Variants in IL6R observed in about 807,000 individuals in gnomAD.
IL6R encodes the protein interleukin-6 receptor subunit alpha.
A neutral mutation model predicts 48.3 loss-of-function variants in IL6R; 38 were observed. That is an observed-to-expected ratio of 0.79 (90% CI 0.61 to 1.03). The LOEUF is 1.03. Ranked by LOEUF, IL6R falls within the 50% of genes least tolerant of loss-of-function variation. The pLI is 0.00. For synonymous variants in IL6R, 264 were observed against 256.2 expected, an observed-to-expected ratio of 1.03 and a Z score of -0.29; for missense variants, 534 against 618.3, an observed-to-expected ratio of 0.86 and a Z score of 1.45.
intron 5 of IL6R, 101 bp downstream of exon 5, chr1:154,435,257 C>T: frequency 8.5e-6 from 10 of 1,177,126 alleles, no homozygotes; most frequent in Non-Finnish European, 1.2e-5. Context: ...CGCCTGTAAT[C>T]CCGGCCCTTT....
chr1:154,420,823 A>G (rs1312070713), intron 1 of IL6R, among the ~76,000 whole-genome samples: 1 of 152,160 alleles, frequency 6.6e-6, no homozygotes, highest in African/African-American at 2.4e-5. Context: ...GGCGTGAGCC[A>G]CTGCACCCTA....
intron 1 of IL6R, among the ~76,000 whole-genome samples, chr1:154,424,953 G>A (rs758684854): frequency 3.9e-5 from 6 of 152,220 alleles, no homozygotes; most frequent in Non-Finnish European, 7.4e-5. Context: ...AAAGGGGTCC[G>A]CATGAGAGGG....
chr1:154,452,840 C>T (rs1417809103), intron 8 of IL6R, among the ~76,000 whole-genome samples: 1 of 151,586 alleles, frequency 6.6e-6, no homozygotes, highest in African/African-American at 2.4e-5. Flanking sequence ...TTGTCTGTCT[C>T]CCTTGATTGG....
At chr1:154,429,731 C>G (rs1031376117) in intron 2 of IL6R, among the ~76,000 whole-genome samples, 6 of 152,102 alleles carry the variant, frequency 3.9e-5, no homozygotes, top group Non-Finnish European at 8.8e-5. Flanking sequence ...GAATCCTGCT[C>G]CCTCACATAC....
chr1:154,432,741 C>A (rs537270239), intron 3 of IL6R, among the ~76,000 whole-genome samples: 62 of 152,274 alleles, frequency 4.1e-4, no homozygotes, highest in Admixed American at 2.4e-3. Context: ...GCCTTTGCTT[C>A]CATCTGCTTT....
intron 1 of IL6R, among the ~76,000 whole-genome samples, chr1:154,406,268 C>T (rs1186988986): frequency 6.6e-6 from 1 of 152,200 alleles, no homozygotes; most frequent in Non-Finnish European, 1.5e-5. Context: ...ACGGATCTTC[C>T]CGCTGCACGG....
intron 8 of IL6R, among the ~76,000 whole-genome samples, chr1:154,453,453 G>A (rs1690702949): frequency 6.6e-6 from 1 of 152,232 alleles, no homozygotes; most frequent in Non-Finnish European, 1.5e-5. Context: ...GGGTAGAAGA[G>A]CCTGAATGCT....
chr1:154,417,383 C>T (rs1688413514), intron 1 of IL6R, among the ~76,000 whole-genome samples: 2 of 152,170 alleles, frequency 1.3e-5, no homozygotes, highest in Admixed American at 6.5e-5. Flanking sequence ...AACAGCGCTC[C>T]TTATCTCAGC....
intron 1 of IL6R, among the ~76,000 whole-genome samples, chr1:154,415,340 T>C (rs1688272945): frequency 6.6e-6 from 1 of 152,260 alleles, no homozygotes; most frequent in African/African-American, 2.4e-5. Flanking sequence ...TGACTCCAGC[T>C]TTTTCTTTCC....
At chr1:154,429,107 A>G in intron 1 of IL6R, 89 bp from the exon 2 acceptor site, 1 of 1,403,928 alleles carries the variant, frequency 7.1e-7, no homozygotes, top group Non-Finnish European at 9.8e-7. Context: ...CATCATTATC[A>G]CTGAGGCCTC....
At chr1:154,459,114 G>T (rs1385534084) in intron 9 of IL6R, among the ~76,000 whole-genome samples, 2 of 152,096 alleles carry the variant, frequency 1.3e-5, no homozygotes, top group African/African-American at 4.8e-5. Context: ...TAAGAGCTGG[G>T]CCCAGCTGGT....
At chr1:154,451,606 T>G (rs2149265518) in intron 8 of IL6R, among the ~76,000 whole-genome samples, 1 of 152,226 alleles carries the variant, frequency 6.6e-6, no homozygotes, top group African/African-American at 2.4e-5. Context: ...CTGATGATTT[T>G]TTTTCTTTTT....
At chr1:154,431,532 G>A (rs1437455379) in intron 3 of IL6R, among the ~76,000 whole-genome samples, 1 of 152,156 alleles carries the variant, frequency 6.6e-6, no homozygotes, top group East Asian at 1.9e-4. Context: ...AAATAGCATA[G>A]AACAGTGATA....
chr1:154,406,246 G>A (rs545333509), intron 1 of IL6R, among the ~76,000 whole-genome samples: 2 of 152,192 alleles, frequency 1.3e-5, no homozygotes, highest in Non-Finnish European at 2.9e-5. Flanking sequence ...CTGACATCAC[G>A]GGCGCTGAGT....
At position 154,426,639 on chromosome 1, in the gene IL6R, T is replaced by C. The variant is rs12062125; in HGVS notation, c.86-2557T>C. On this transcript the variant is annotated intron_variant, in intron 1 of 9. Coordinates refer to ENST00000368485, the MANE Select transcript of IL6R (RefSeq NM_000565.4). ...TAAGAAAAATGTAGGGATGTATGGG[T>C]AGTGAAAGTTAGGTTGGTGGGCTTT... Among the ~76,000 whole-genome samples the C allele has an allele frequency of 9.3e-3, 1,408 of 152,184 alleles. 22 individuals carry two copies. Among genetic ancestry groups the C allele is most frequent in the African/African-American group, 0.032 (1,334 of 41,520 alleles).
intron 3 of IL6R, among the ~76,000 whole-genome samples, chr1:154,433,964 T>G (rs1363857456): frequency 1.3e-5 from 2 of 149,346 alleles, no homozygotes; most frequent in African/African-American, 4.9e-5. Context: ...CCTGACCTCA[T>G]GATCTGCCTG....
rs1689540465 is a variant in IL6R at position 154,435,175 on chromosome 1, T to C, written c.807+19T>C. 1 of 1,612,578 alleles carries C rather than the reference T, an allele frequency of 6.2e-7. No homozygotes were observed. Among genetic ancestry groups the C allele is most frequent in the Admixed American group, 1.7e-5 (1 of 59,978 alleles). On this transcript the variant is annotated intron_variant, in intron 5 of 9. Coordinates refer to ENST00000368485, the MANE Select transcript of IL6R (RefSeq NM_000565.4). ...ATGGATGGTAAATTTATGTTTTACT[T>C]CTGGTCAGAGAGGCGCCCCTAGATG... is the stretch of plus-strand genomic sequence containing the variant.
chr1:154,438,858 G>C (rs947245686), intron 6 of IL6R, among the ~76,000 whole-genome samples: 92 of 152,282 alleles, frequency 6.0e-4, no homozygotes, highest in African/African-American at 2.0e-3. Context: ...TGTTCATCAA[G>C]GACAGGAGGC....
intron 3 of IL6R, among the ~76,000 whole-genome samples, chr1:154,432,645 A>G (rs1261200091): frequency 6.6e-6 from 1 of 152,198 alleles, no homozygotes; most frequent in African/African-American, 2.4e-5. Flanking sequence ...GGCGTGAGCC[A>G]CCGCGCCCGG....
Sources: gnomAD v4.1 joint callset for allele counts (sites outside exome capture counted in the v4.1 genomes callset) on GRCh38, gnomAD v4.1.1 for gene constraint, MANE v1.5 for transcripts, NCBI Gene and HGNC (gene_info 2026-07-23, HGNC 2026-07-21) for gene names.